S100A8: variants seen among roughly 807,000 people sequenced by gnomAD.
S100A8 encodes S100 calcium binding protein A8, also known as protein S100-A8.
In S100A8, 1 loss-of-function variant was observed where a neutral mutation model predicts 4.2. That is an observed-to-expected ratio of 0.24 (90% confidence interval 0.08 to 1.12). The LOEUF (loss-of-function observed/expected upper bound fraction) is 1.12, where lower values mean the gene tolerates loss of function less well. S100A8 is among the 50% of genes most tolerant of loss of function. The pLI is 0.53. For synonymous variants in S100A8, 41 were observed against 44.7 expected (o/e 0.92, Z 0.33); for missense variants, 96 against 111.8 (o/e 0.86, Z 0.64).
the S100A8 span, among the ~76,000 whole-genome samples, chr1:153,411,965 C>T: frequency 2.6e-5 from 4 of 152,310 alleles, no homozygotes; most frequent in Admixed American, 6.5e-5. Flanking sequence ...TTCCTTACAC[C>T]TTACACAAAA....
At chr1:153,410,404 C>T in the S100A8 span, among the ~76,000 whole-genome samples, 3 of 152,146 alleles carry the variant, frequency 2.0e-5, no homozygotes, top group Non-Finnish European at 4.4e-5. Flanking sequence ...TTCCTGGACA[C>T]ATACACCCTC....
the S100A8 span, among the ~76,000 whole-genome samples, chr1:153,411,531 A>C: frequency 0.12 from 18,478 of 152,276 alleles, 1,144 homozygotes; most frequent in African/African-American, 0.15. Flanking sequence ...GGAAGAATCA[A>C]TATTGTGAAA....
the S100A8 span, among the ~76,000 whole-genome samples, chr1:153,414,851 C>A: frequency 1.3e-5 from 2 of 152,200 alleles, no homozygotes; most frequent in Admixed American, 6.5e-5. Flanking sequence ...GAAGTCCGGG[C>A]TTTTAATGCA....
the S100A8 span, among the ~76,000 whole-genome samples, chr1:153,403,705 C>T: frequency 6.6e-6 from 1 of 152,166 alleles, no homozygotes; most frequent in African/African-American, 2.4e-5. Flanking sequence ...TGATTGATTC[C>T]AAATAGCTAC....
At chr1:153,416,614 C>T in the S100A8 span, 2 of 437,458 alleles carry the variant, frequency 4.6e-6, no homozygotes, top group East Asian at 6.6e-5. Flanking sequence ...AGTGCCCAGC[C>T]TGCCATGCTG....
chr1:153,419,355 G>A, the S100A8 span: 223 of 1,573,036 alleles, frequency 1.4e-4, no homozygotes, highest in Non-Finnish European at 1.7e-4. Context: ...AACAATAAGT[G>A]TCTCCTCCCA....
the S100A8 span, among the ~76,000 whole-genome samples, chr1:153,415,744 C>A: frequency 6.6e-6 from 1 of 151,982 alleles, no homozygotes; most frequent in Non-Finnish European, 1.5e-5. Flanking sequence ...CACCACTCAA[C>A]CTAGATAGTG....
the S100A8 span, among the ~76,000 whole-genome samples, chr1:153,417,054 A>G: frequency 2.0e-5 from 3 of 152,242 alleles, no homozygotes; most frequent in Non-Finnish European, 4.4e-5. Context: ...TTGGCCTCAG[A>G]TTCAGAAAGC....
At chr1:153,406,057 T>C in the S100A8 span, among the ~76,000 whole-genome samples, 1 of 152,040 alleles carries the variant, frequency 6.6e-6, no homozygotes, top group East Asian at 1.9e-4. Context: ...CTCTGCCCTG[T>C]CCCTCTCACC....
At chr1:153,409,571 A>G in the S100A8 span, among the ~76,000 whole-genome samples, 1 of 152,214 alleles carries the variant, frequency 6.6e-6, no homozygotes, top group African/African-American at 2.4e-5. Context: ...CAGATCAATA[A>G]GACAGAAAGT....
chr1:153,395,590 A>G (rs978832968), upstream of S100A8, among the ~76,000 whole-genome samples: 19 of 151,774 alleles, frequency 1.3e-4, no homozygotes, highest in African/African-American at 4.4e-4. Context: ...GTCTTCCTCC[A>G]CCCCAAACCC....
chr1:153,400,483 C>A, the S100A8 span, among the ~76,000 whole-genome samples: 1 of 152,158 alleles, frequency 6.6e-6, no homozygotes, highest in African/African-American at 2.4e-5. Context: ...ATGACTGAAT[C>A]TTCCAGAATG....
At chr1:153,392,833 C>G (rs1662132888), upstream of S100A8, among the ~76,000 whole-genome samples, 1 of 152,192 alleles carries the variant, frequency 6.6e-6, no homozygotes, top group Non-Finnish European at 1.5e-5. Context: ...CCAGCTCTCT[C>G]TGGATGTGAG....
At chr1:153,416,610 C>T in the S100A8 span, 27 of 445,110 alleles carry the variant, frequency 6.1e-5, no homozygotes, top group Admixed American at 7.9e-5. Context: ...GCCCAGTGCC[C>T]AGCCTGCCAT....
chr1:153,413,815 C>T, the S100A8 span, among the ~76,000 whole-genome samples: 1 of 152,016 alleles, frequency 6.6e-6, no homozygotes, highest in Non-Finnish European at 1.5e-5. Flanking sequence ...GCAGGAGAAT[C>T]GCTTGAACCT....
At chr1:153,403,489 C>G in the S100A8 span, among the ~76,000 whole-genome samples, 1,607 of 152,196 alleles carry the variant, frequency 0.011, 7 homozygotes, top group Non-Finnish European at 0.016. Context: ...AAATCTGACA[C>G]GACTCTTGCT....
At chr1:153,392,807 A>G (rs936751558), upstream of S100A8, among the ~76,000 whole-genome samples, 4 of 152,086 alleles carry the variant, frequency 2.6e-5, no homozygotes, top group South Asian at 4.2e-4. Context: ...GGAGTCTTTC[A>G]CCCTCCAAAA....
chr1:153,393,268 G>C (rs534083514), upstream of S100A8, among the ~76,000 whole-genome samples: 1 of 152,218 alleles, frequency 6.6e-6, no homozygotes, highest in African/African-American at 2.4e-5. Context: ...GGCAGAATTA[G>C]TTCTTCTCTC....
intron 1 of S100A8, 116 bp from the exon 2 acceptor site, chr1:153,390,673 A>T: frequency 7.6e-7 from 1 of 1,307,206 alleles, no homozygotes; most frequent in Non-Finnish European, 1.1e-6. Flanking sequence ...CACTCTCCAA[A>T]TAACCAAACC....
Sources: gnomAD v4.1 joint callset for allele counts (sites outside exome capture counted in the v4.1 genomes callset) on GRCh38, gnomAD v4.1.1 for gene constraint, MANE v1.5 for transcripts, NCBI Gene and HGNC (gene_info 2026-07-23, HGNC 2026-07-21) for gene names.